The following EPHA6 variants were observed in gnomAD, a reference collection of about 807,000 sequenced individuals.
The protein encoded by EPHA6 is EPH receptor A6.
In EPHA6, 50 loss-of-function variants were observed where a neutral mutation model predicts 112.0. The observed-to-expected ratio is 0.45, with a 90% CI of 0.36 to 0.56. The LOEUF (loss-of-function observed/expected upper bound fraction) is 0.56. Among genes scored for constraint, EPHA6 ranks in the 20% least tolerant of loss-of-function variants. The pLI is 0.00. For synonymous variants in EPHA6, 529 were observed against 490.7 expected, an observed-to-expected ratio of 1.08 and a Z score of -1.03; for missense variants, 1,280 against 1,417.4, an observed-to-expected ratio of 0.90 and a Z score of 1.56.
intron 3 of EPHA6, among the ~76,000 whole-genome samples, chr3:97,131,298 A>G (rs2075610293): frequency 1.3e-5 from 2 of 152,114 alleles, no homozygotes; most frequent in South Asian, 4.1e-4. Flanking sequence ...AAATGGATAG[A>G]TGATAGAAGA....
chr3:97,547,621 G>A (rs187056404), intron 11 of EPHA6, among the ~76,000 whole-genome samples: 12 of 152,300 alleles, frequency 7.9e-5, no homozygotes, highest in African/African-American at 2.6e-4. Flanking sequence ...AGTCTGCAGA[G>A]GTTACTGCTG....
At chr3:96,874,973 T>C (rs1482486656) in intron 2 of EPHA6, among the ~76,000 whole-genome samples, 1 of 151,932 alleles carries the variant, frequency 6.6e-6, no homozygotes, top group Non-Finnish European at 1.5e-5. Context: ...ACATAGAAGA[T>C]GCAGAGGAAA....
At chr3:97,538,975 TTCTC>T (rs989264369) in intron 11 of EPHA6, among the ~76,000 whole-genome samples, 5 of 140,170 alleles carry the variant, frequency 3.6e-5, no homozygotes, top group South Asian at 2.3e-4. Context: ...ACTGGACACT[TTCTC>T]TCTCTTTCTT....
chr3:97,179,075 T>C (rs1042513927), intron 3 of EPHA6, among the ~76,000 whole-genome samples: 3 of 152,082 alleles, frequency 2.0e-5, no homozygotes, highest in African/African-American at 7.2e-5. Context: ...TTTTCTTTTT[T>C]GTCTTCTCTA....
At chr3:97,351,830 A>T (rs2083829724) in intron 5 of EPHA6, among the ~76,000 whole-genome samples, 1 of 152,154 alleles carries the variant, frequency 6.6e-6, no homozygotes, top group South Asian at 2.1e-4. Context: ...ATAGTTTGGA[A>T]GATGAGAGGA....
chr3:96,950,510 A>G (rs2041481691), intron 2 of EPHA6, among the ~76,000 whole-genome samples: 1 of 152,120 alleles, frequency 6.6e-6, no homozygotes, highest in Admixed American at 6.6e-5. Context: ...GTTATAATAT[A>G]TTAGTTCATG....
intron 10 of EPHA6, 31 bp downstream of exon 10, chr3:97,484,090 A>G (rs1481677076): frequency 6.4e-7 from 1 of 1,571,840 alleles, no homozygotes; most frequent in South Asian, 1.2e-5. Context: ...TTTGAACAAA[A>G]CATTCCTTAA....
At chr3:97,572,442 G>A (rs1456785570) in intron 11 of EPHA6, among the ~76,000 whole-genome samples, 8 of 152,154 alleles carry the variant, frequency 5.3e-5, no homozygotes, top group South Asian at 2.1e-4. Flanking sequence ...GAGACACCGC[G>A]CCTGGCAAAA....
intron 2 of EPHA6, among the ~76,000 whole-genome samples, chr3:96,906,271 A>T (rs1456828444): frequency 6.6e-6 from 1 of 152,002 alleles, no homozygotes; most frequent in African/African-American, 2.4e-5. Context: ...CTTCCTGCAG[A>T]TCCTGCAGTC....
chr3:97,171,334 T>G (rs2076694208), intron 3 of EPHA6, among the ~76,000 whole-genome samples: 1 of 152,152 alleles, frequency 6.6e-6, no homozygotes, highest in Non-Finnish European at 1.5e-5. Context: ...CTTAAACTTT[T>G]TTGAATCATG....
chr3:97,096,751 A>T (rs1301150123), intron 3 of EPHA6, among the ~76,000 whole-genome samples: 1 of 151,958 alleles, frequency 6.6e-6, no homozygotes, highest in African/African-American at 2.4e-5. Context: ...AATAATAAAA[A>T]TGTCACTTTT....
intron 2 of EPHA6, among the ~76,000 whole-genome samples, chr3:96,918,998 A>G (rs2039623939): frequency 6.6e-6 from 1 of 151,996 alleles, no homozygotes; most frequent in Non-Finnish European, 1.5e-5. Flanking sequence ...TTAAATCATA[A>G]TTGAGTATTT....
rs2035876891 is a variant in EPHA6, at chr3:97,750,571, G to A, written c.*1870G>A. On this transcript the variant is annotated 3_prime_UTR_variant, in exon 18 of 18. Transcript: ENST00000389672. ...GGGGTTTCACCATGTTGGCCAGGCTGCTCGAACTCCTGACCTCAGATGATC... is the reference window on the plus strand; with the variant it reads ...GGGGTTTCACCATGTTGGCCAGGCTACTCGAACTCCTGACCTCAGATGATC... Among the ~76,000 whole-genome samples, 5 of 152,064 alleles carry A rather than the reference G, an allele frequency of 3.3e-5. No individual in the cohort carries two copies. The South Asian group carries it at 8.3e-4, about 25-fold the overall frequency.
At chr3:97,701,527 T>G (rs1204766076) in intron 14 of EPHA6, among the ~76,000 whole-genome samples, 3 of 152,124 alleles carry the variant, frequency 2.0e-5, no homozygotes, top group Non-Finnish European at 4.4e-5. Context: ...AATACATATT[T>G]TGCATTAACA....
At chr3:97,489,670 A>C (rs2091788162) in intron 10 of EPHA6, among the ~76,000 whole-genome samples, 1 of 151,288 alleles carries the variant, frequency 6.6e-6, no homozygotes, top group Non-Finnish European at 1.5e-5. Flanking sequence ...TGGGCGAAAA[A>C]GCGAGACTCC....
intron 14 of EPHA6, among the ~76,000 whole-genome samples, chr3:97,719,345 C>A (rs1001569803): frequency 6.6e-6 from 1 of 151,860 alleles, no homozygotes; most frequent in African/African-American, 2.4e-5. Context: ...AAGCCACCTC[C>A]ACGGTTTAAG....
At chr3:97,292,620 C>A (rs1321584335) in intron 5 of EPHA6, among the ~76,000 whole-genome samples, 1 of 152,208 alleles carries the variant, frequency 6.6e-6, no homozygotes, top group African/African-American at 2.4e-5. Context: ...GCATCCAGCT[C>A]ACAACGGAGA....
chr3:96,830,317 C>T (rs1227858761), intron 1 of EPHA6, among the ~76,000 whole-genome samples: 6 of 152,010 alleles, frequency 3.9e-5, no homozygotes, highest in Non-Finnish European at 7.4e-5. Context: ...CTCACTAATG[C>T]GCATATAAAA....
At chr3:96,871,208 C>T (rs1041382463) in intron 2 of EPHA6, among the ~76,000 whole-genome samples, 7 of 151,854 alleles carry the variant, frequency 4.6e-5, no homozygotes, top group Non-Finnish European at 8.8e-5. Context: ...TATCAGTGTA[C>T]ATTTCTTTAA....
Sources: gnomAD v4.1 joint callset for allele counts (sites outside exome capture counted in the v4.1 genomes callset) on GRCh38, gnomAD v4.1.1 for gene constraint, MANE v1.5 for transcripts, NCBI Gene and HGNC (gene_info 2026-07-23, HGNC 2026-07-21) for gene names.